Variants in DLC1 observed in about 807,000 individuals in gnomAD.
The protein encoded by DLC1 is rho GTPase-activating protein 7.
A neutral mutation model predicts 140.3 loss-of-function variants in DLC1; 54 were observed. That is an observed-to-expected ratio of 0.38 (90% CI 0.31 to 0.48). The LOEUF (loss-of-function observed/expected upper bound fraction) is 0.48. DLC1 is among the 20% of genes least tolerant of loss of function. The pLI is 0.96. For missense variants in DLC1, 2,536 were observed against 1,907.0 expected (o/e 1.33, Z -6.14); for synonymous variants, 986 against 728.1 (o/e 1.35, Z -5.70).
intron 5 of DLC1, among the ~76,000 whole-genome samples, chr8:13,193,133 A>G (rs376547289): frequency 1.3e-5 from 2 of 152,136 alleles, no homozygotes; most frequent in South Asian, 2.1e-4. Context: ...AGACCTCTCA[A>G]TCTTAGAACA....
chr8:13,360,997 G>C (rs148519534), intron 4 of DLC1, among the ~76,000 whole-genome samples: 38 of 152,130 alleles, frequency 2.5e-4, no homozygotes, highest in African/African-American at 8.7e-4. Flanking sequence ...TGGGGAGGTT[G>C]AGGCGGGCAG....
chr8:13,313,213 C>T (rs899725437), intron 4 of DLC1, among the ~76,000 whole-genome samples: 3 of 152,084 alleles, frequency 2.0e-5, no homozygotes, highest in Non-Finnish European at 2.9e-5. Flanking sequence ...GCTCTGAACA[C>T]GAGGATGAAC....
chr8:13,153,607 T>G (rs1183342996), intron 5 of DLC1, among the ~76,000 whole-genome samples: 1 of 152,218 alleles, frequency 6.6e-6, no homozygotes, highest in South Asian at 2.1e-4. Flanking sequence ...TTGGTTTGTT[T>G]TGACAGGGTG....
chr8:13,433,675 A>G (rs1333526962), intron 2 of DLC1, among the ~76,000 whole-genome samples: 1 of 152,182 alleles, frequency 6.6e-6, no homozygotes. Flanking sequence ...ATTATGTACA[A>G]TGTCAGGTGT....
chr8:13,363,964 G>T (rs181515529), intron 4 of DLC1, among the ~76,000 whole-genome samples: 2 of 152,330 alleles, frequency 1.3e-5, no homozygotes, highest in Admixed American at 6.5e-5. Context: ...TCTTTGAAAT[G>T]TGAAATTCCT....
chr8:13,561,074 C>G (rs966001568), intron 1 of DLC1, among the ~76,000 whole-genome samples: 8 of 151,396 alleles, frequency 5.3e-5, no homozygotes, highest in Non-Finnish European at 1.0e-4. Context: ...ACACGAAAGT[C>G]AATTTGTCTA....
At chr8:13,261,519 C>A (rs746707528) in intron 5 of DLC1, among the ~76,000 whole-genome samples, 1 of 151,902 alleles carries the variant, frequency 6.6e-6, no homozygotes, top group East Asian at 1.9e-4. Context: ...TCACTCTGGT[C>A]GTCATGTTTG....
Position 13,192,301 on chromosome 8 carries a change from T to C in DLC1, c.1349-76644A>G, listed in dbSNP as rs542052898. On this transcript the variant is annotated intron_variant, in intron 5 of 17. Coordinates refer to ENST00000276297, the MANE Select transcript of DLC1 (RefSeq NM_182643.3). ...AAGGAGCCGAGTTTGTGAAACTCAA[T>C]GCTGTGCAATTTTGGGTGATGCCCT... 1.1e-4 allele frequency among the ~76,000 whole-genome samples: 16 copies of C among 152,266 alleles called. No individual in the cohort carries two copies. In the East Asian group the frequency reaches 2.9e-3, roughly 28 times the overall value.
chr8:13,214,337 G>T (rs1418818377), intron 5 of DLC1: 1 of 298,510 alleles, frequency 3.3e-6, no homozygotes, highest in Non-Finnish European at 6.2e-6. Context: ...TGTTTCCCGG[G>T]TTCTTTAGGA....
At chr8:13,600,836 G>C (rs1805851581) in intron 1 of DLC1, among the ~76,000 whole-genome samples, 1 of 150,664 alleles carries the variant, frequency 6.6e-6, no homozygotes, top group Non-Finnish European at 1.5e-5. Flanking sequence ...AAACTGATCA[G>C]GGCATTTATT....
chr8:13,395,004 T>TTCTATCTATCTA (rs57872249), intron 3 of DLC1, among the ~76,000 whole-genome samples: 7,044 of 100,780 alleles, frequency 0.07, 204 homozygotes, highest in East Asian at 0.12. Context: ...CTACTACATA[T>TTCTATCTATCTA]TCTATCTATC....
chr8:13,361,196 C>A (rs906997963), intron 4 of DLC1, among the ~76,000 whole-genome samples: 3 of 152,124 alleles, frequency 2.0e-5, no homozygotes, highest in Non-Finnish European at 4.4e-5. Context: ...TATACCACTG[C>A]ACTCCAGCCT....
At chr8:13,343,746 A>G (rs1834181903) in intron 4 of DLC1, among the ~76,000 whole-genome samples, 1 of 152,200 alleles carries the variant, frequency 6.6e-6, no homozygotes, top group African/African-American at 2.4e-5. Flanking sequence ...GGTTAAAGTC[A>G]GCACTCTAAA....
chr8:13,469,375 G>A (rs1242672858), intron 2 of DLC1, among the ~76,000 whole-genome samples: 1 of 152,130 alleles, frequency 6.6e-6, no homozygotes, highest in African/African-American at 2.4e-5. Context: ...CAGAATAATG[G>A]TCTGTGGAGC....
chr8:13,175,925 A>G (rs1825736315), intron 5 of DLC1, among the ~76,000 whole-genome samples: 1 of 152,116 alleles, frequency 6.6e-6, no homozygotes, highest in African/African-American at 2.4e-5. Flanking sequence ...CTTCATTTCT[A>G]TAATTTTTTC....
chr8:13,590,908 A>G (rs2117472585), intron 1 of DLC1, among the ~76,000 whole-genome samples: 1 of 152,226 alleles, frequency 6.6e-6, no homozygotes, highest in African/African-American at 2.4e-5. Flanking sequence ...CGATACTCTC[A>G]GAAAAGGAAT....
chr8:13,095,483 C>A (rs1037628641), intron 10 of DLC1: 2 of 532,422 alleles, frequency 3.8e-6, no homozygotes, highest in East Asian at 6.4e-5. Flanking sequence ...AGATAAAGAA[C>A]ATTCCTATCA....
intron 5 of DLC1, among the ~76,000 whole-genome samples, chr8:13,270,955 T>C (rs1283306925): frequency 1.3e-5 from 2 of 152,158 alleles, no homozygotes; most frequent in Non-Finnish European, 2.9e-5. Flanking sequence ...ATCCTCTTTG[T>C]ATTGGCAAGG....
chr8:13,261,248 C>A (rs1830456792), intron 5 of DLC1, among the ~76,000 whole-genome samples: 1 of 152,096 alleles, frequency 6.6e-6, no homozygotes, highest in Non-Finnish European at 1.5e-5. Flanking sequence ...CAGCAGAGAC[C>A]TGGACAAAGT....
Sources: allele counts gnomAD v4.1 joint callset (sites outside exome capture counted in the v4.1 genomes callset), GRCh38; gene constraint gnomAD v4.1.1; transcripts MANE v1.5; gene names NCBI Gene and HGNC (gene_info 2026-07-23, HGNC 2026-07-21).